SNX18: variants seen among roughly 807,000 people sequenced by gnomAD.
SNX18 encodes the protein sorting nexin-18.
SNX18 carries 35 observed loss-of-function variants against 48.7 expected under a neutral mutation model. The ratio of observed to expected loss-of-function variants is 0.72; its 90% CI spans 0.55 to 0.95. The LOEUF (loss-of-function observed/expected upper bound fraction) is 0.95. Among genes scored for constraint, SNX18 ranks in the 40% least tolerant of loss-of-function variants. The pLI is 0.00. For synonymous variants in SNX18, 492 were observed against 384.7 expected, an observed-to-expected ratio of 1.28 and a Z score of -3.26; for missense variants, 824 against 871.0, an observed-to-expected ratio of 0.95 and a Z score of 0.68.
At chr5:54,541,109 C>T (rs1762461944) in intron 1 of SNX18, among the ~76,000 whole-genome samples, 1 of 152,052 alleles carries the variant, frequency 6.6e-6, no homozygotes, top group South Asian at 2.1e-4. Flanking sequence ...CGCAATGCAA[C>T]CTCTGCCTTC....
At chr5:54,550,558 G>A (rs534540581), downstream of SNX18, among the ~76,000 whole-genome samples, 3 of 152,306 alleles carry the variant, frequency 2.0e-5, no homozygotes, top group South Asian at 6.2e-4. Flanking sequence ...AAAACAAAGC[G>A]AATGTGTTTG....
At chr5:54,538,057 G>A (rs1372662365) in intron 1 of SNX18, among the ~76,000 whole-genome samples, 1 of 152,112 alleles carries the variant, frequency 6.6e-6, no homozygotes, top group Non-Finnish European at 1.5e-5. Flanking sequence ...TGAAAATTTT[G>A]CTCTCTGCCT....
At chr5:54,520,964 T>C (rs897059083) in intron 1 of SNX18, 1 of 167,118 alleles carries the variant, frequency 6.0e-6, no homozygotes, top group Non-Finnish European at 1.5e-5. Flanking sequence ...TTTTGTGCAA[T>C]CATATTGCTG....
At chr5:54,645,566 AGCCT>A in the SNX18 span, 19 of 152,266 alleles carry the variant, frequency 1.2e-4, no homozygotes, top group Non-Finnish European at 2.2e-4. Flanking sequence ...GGCTTAAGTC[AGCCT>A]GCTGGCCTCC....
the SNX18 span, among the ~76,000 whole-genome samples, chr5:54,586,336 G>A: frequency 2.4e-4 from 36 of 152,278 alleles, no homozygotes; most frequent in East Asian, 4.8e-3. Flanking sequence ...GCAGCCTGGC[G>A]TGATGATGCC....
At chr5:54,576,436 A>T in the SNX18 span, among the ~76,000 whole-genome samples, 1 of 152,194 alleles carries the variant, frequency 6.6e-6, no homozygotes, top group African/African-American at 2.4e-5. Context: ...ACCAATGGGA[A>T]TGAAGCACCT....
rs1207675087 is a variant in SNX18, at chr5:54,544,729, A to C, written c.*1297A>C. On this transcript the variant is annotated 3_prime_UTR_variant, in exon 2 of 2. Transcript: ENST00000381410. Reference sequence around the variant, plus strand: ...ATACAGATGGCTGATAAATACCAAAAAGATTCAAAAGCAGCTTAATTTAAA... The same window carrying C: ...ATACAGATGGCTGATAAATACCAAACAGATTCAAAAGCAGCTTAATTTAAA... 6.6e-5 allele frequency: 10 copies of C among 151,016 alleles called. No homozygotes were observed. In the East Asian group the frequency reaches 2.0e-3, roughly 30 times the overall value. 9.4% of individuals were successfully genotyped at this position (151,016 alleles called of 1,614,324 possible). A position where few individuals can be genotyped will look rare whatever the true frequency, so the allele number is the denominator to read the frequency against.
At chr5:54,593,627 T>C in the SNX18 span, among the ~76,000 whole-genome samples, 11 of 152,220 alleles carry the variant, frequency 7.2e-5, no homozygotes, top group Non-Finnish European at 1.2e-4. Context: ...GGAACACTTA[T>C]ATGACCCGAT....
chr5:54,578,065 G>A, the SNX18 span, among the ~76,000 whole-genome samples: 1 of 152,148 alleles, frequency 6.6e-6, no homozygotes, highest in African/African-American at 2.4e-5. Context: ...TCAAGGTGGG[G>A]GGCTTGTCCT....
the SNX18 span, among the ~76,000 whole-genome samples, chr5:54,556,666 G>T: frequency 6.6e-6 from 1 of 152,150 alleles, no homozygotes; most frequent in Non-Finnish European, 1.5e-5. Flanking sequence ...CTTTGGGTGG[G>T]GCTGGGGAGG....
chr5:54,573,781 C>A, the SNX18 span, among the ~76,000 whole-genome samples: 1 of 152,124 alleles, frequency 6.6e-6, no homozygotes, highest in South Asian at 2.1e-4. Flanking sequence ...CAAGACTAGA[C>A]ACAGGAAAAG....
chr5:54,643,371 T>C, the SNX18 span, among the ~76,000 whole-genome samples: 2 of 152,140 alleles, frequency 1.3e-5, no homozygotes, highest in African/African-American at 4.8e-5. Context: ...ACTTGAAAAA[T>C]AGTAATAAAT....
the SNX18 span, among the ~76,000 whole-genome samples, chr5:54,641,098 G>C: frequency 4.7e-4 from 72 of 152,144 alleles, no homozygotes; most frequent in African/African-American, 1.7e-3. Flanking sequence ...GTATACAGAA[G>C]TTCTGAGAGC....
intron 1 of SNX18, among the ~76,000 whole-genome samples, chr5:54,541,186 C>G (rs1021067367): frequency 7.2e-5 from 11 of 152,084 alleles, no homozygotes; most frequent in Non-Finnish European, 1.3e-4. Context: ...CGCCACCACG[C>G]CCGGCTAATT....
the SNX18 span, among the ~76,000 whole-genome samples, chr5:54,574,900 T>G: frequency 2.0e-5 from 3 of 152,194 alleles, no homozygotes; most frequent in Non-Finnish European, 4.4e-5. Context: ...TCATCAAGAC[T>G]AAGATGACCA....
chr5:54,519,926 ATC>A, intron 1 of SNX18: 2 of 1,113,314 alleles, frequency 1.8e-6, no homozygotes, highest in South Asian at 3.1e-5. Context: ...CATGTTAGGT[ATC>A]TGTTTGAACA....
At chr5:54,559,950 G>T in the SNX18 span, among the ~76,000 whole-genome samples, 9 of 152,098 alleles carry the variant, frequency 5.9e-5, no homozygotes, top group Non-Finnish European at 8.8e-5. Context: ...ACAAGCATAT[G>T]AAAAAAAGCT....
the SNX18 span, among the ~76,000 whole-genome samples, chr5:54,574,937 C>T: frequency 6.6e-6 from 1 of 152,176 alleles, no homozygotes; most frequent in African/African-American, 2.4e-5. Flanking sequence ...AGCTCTAGGC[C>T]AGATTCCAAA....
chr5:54,624,135 T>TCAAAC, the SNX18 span, among the ~76,000 whole-genome samples: 2 of 152,222 alleles, frequency 1.3e-5, no homozygotes, highest in African/African-American at 2.4e-5. Flanking sequence ...TCTTAAGAGA[T>TCAAAC]CAAACTGCCT....
Sources: allele counts gnomAD v4.1 joint callset (sites outside exome capture counted in the v4.1 genomes callset), GRCh38; gene constraint gnomAD v4.1.1; transcripts MANE v1.5; gene names NCBI Gene and HGNC (gene_info 2026-07-23, HGNC 2026-07-21).